RPAP2: variants seen among roughly 807,000 people sequenced by gnomAD.
The protein encoded by RPAP2 is RNA polymerase II associated protein 2.
Under a neutral mutation model 73.1 loss-of-function variants are expected in RPAP2, and 52 were observed. The observed-to-expected ratio is 0.71, with a 90% CI of 0.57 to 0.90. RPAP2 has a LOEUF of 0.90. RPAP2 is among the 40% of genes least tolerant of loss of function. The pLI, the probability that RPAP2 is intolerant of heterozygous loss-of-function variation, is 0.00. For missense variants in RPAP2, 598 were observed against 701.8 expected (o/e 0.85, Z 1.67); for synonymous variants, 225 against 242.1 (o/e 0.93, Z 0.65).
chr1:92,322,295 A>G (rs1204502640), intron 7 of RPAP2, among the ~76,000 whole-genome samples: 1 of 150,906 alleles, frequency 6.6e-6, no homozygotes. Flanking sequence ...CAGTAATCCC[A>G]GCAGTTTGGG....
Position 92,300,229 on chromosome 1 carries a change from G to C in RPAP2, c.109G>C (p.Ala37Pro). 6.2e-7 allele frequency: 1 copy of C among 1,608,970 alleles called. No homozygotes were observed. Among genetic ancestry groups the C allele is most frequent in the East Asian group, 2.2e-5 (1 of 44,842 alleles). ...KQTSTLKQED[A>P]SKRKAELEAA... ...GACAAGTACTTTGAAACAAGAAGAT[G>C]CTTCTAAAAGGTATGACAGCTACAT... The change falls in exon 2 of 13, where the codon GCT becomes CCT. Residue 37 changes from alanine (A) to proline (P), a missense_variant. Around this residue, in one of 3 missense-constraint regions of RPAP2, gnomAD observed 77 missense variants for 55.7 expected, o/e 1.38. Transcript: ENST00000610020.
intron 6 of RPAP2, among the ~76,000 whole-genome samples, chr1:92,318,294 T>G (rs1652044885): frequency 6.6e-6 from 1 of 152,200 alleles, no homozygotes; most frequent in Non-Finnish European, 1.5e-5. Flanking sequence ...TTCAGTCCTC[T>G]TAGCATCCCT....
intron 11 of RPAP2, among the ~76,000 whole-genome samples, chr1:92,356,789 G>A (rs113707527): frequency 0.012 from 1,841 of 151,638 alleles, 38 homozygotes; most frequent in African/African-American, 0.041. Context: ...TGGGCCAGGC[G>A]CAGTGGCTCA....
intron 10 of RPAP2, among the ~76,000 whole-genome samples, chr1:92,341,837 G>T (rs1331849382): frequency 2.0e-5 from 3 of 152,166 alleles, no homozygotes. Flanking sequence ...TAGAGACAGG[G>T]TTTCACCATG....
intron 12 of RPAP2, among the ~76,000 whole-genome samples, chr1:92,385,695 T>C (rs2101459133): frequency 6.6e-6 from 1 of 152,328 alleles, no homozygotes; most frequent in East Asian, 1.9e-4. Context: ...CAACTACCTT[T>C]TGTTATTGTG....
intron 12 of RPAP2, among the ~76,000 whole-genome samples, chr1:92,384,560 G>T (rs1218162988): frequency 1.3e-5 from 2 of 151,250 alleles, no homozygotes; most frequent in African/African-American, 4.9e-5. Flanking sequence ...GGAGGTGGAG[G>T]TCGCAGTGAG....
chr1:92,304,722 T>C (rs1651084909), intron 5 of RPAP2, among the ~76,000 whole-genome samples: 1 of 152,190 alleles, frequency 6.6e-6, no homozygotes, highest in Admixed American at 6.5e-5. Flanking sequence ...GATTTTTCAA[T>C]AAATTATACT....
chr1:92,300,323 C>CTTT, intron 2 of RPAP2, 84 bp downstream of exon 2: 14 of 831,488 alleles, frequency 1.7e-5, no homozygotes, highest in South Asian at 7.6e-5. Context: ...TAATGGTTAC[C>CTTT]TTTTTTTTTT....
At chr1:92,362,191 C>T (rs1417844582) in intron 11 of RPAP2, among the ~76,000 whole-genome samples, 1 of 152,168 alleles carries the variant, frequency 6.6e-6, no homozygotes, top group Non-Finnish European at 1.5e-5. Context: ...AATTCAAGAT[C>T]CTGATCACCG....
chr1:92,345,810 G>GT, intron 10 of RPAP2, 36 bp from the exon 11 acceptor site: 1 of 1,277,906 alleles, frequency 7.8e-7, no homozygotes, highest in Non-Finnish European at 1.1e-6. Context: ...TTATTTAAAG[G>GT]TAACACTCCT....
At chr1:92,356,219 C>CTTGAA (rs1654454485) in intron 11 of RPAP2, among the ~76,000 whole-genome samples, 1 of 152,000 alleles carries the variant, frequency 6.6e-6, no homozygotes, top group South Asian at 2.1e-4. Context: ...TCAAGTGATC[C>CTTGAA]ACCTGCCTCA....
Position 92,324,350 on chromosome 1 carries a change from C to T in RPAP2, c.1430C>T (p.Thr477Ile). ...YRGRYVLGEE[T>I]TKSQDSEEHD... ...GGACGGTATGTTTTGGGTGAAGAAACCACCAAATCACAAGACTCAGAAGAG... is the reference window on the plus strand; with the variant it reads ...GGACGGTATGTTTTGGGTGAAGAAATCACCAAATCACAAGACTCAGAAGAG... The change falls in exon 8 of 13, where the codon ACC becomes ATC. Residue 477 changes from threonine (T) to isoleucine (I), a missense_variant. Physicochemically the swap from Thr to Ile is moderately conservative, Grantham distance 89. Coordinates refer to ENST00000610020, the MANE Select transcript of RPAP2 (RefSeq NM_024813.3). 1 of 1,613,308 alleles carries T rather than the reference C, an allele frequency of 6.2e-7. No homozygotes were observed. The highest frequency in any genetic ancestry group is 8.5e-7 in the Non-Finnish European group (1 of 1,179,616).
intron 11 of RPAP2, among the ~76,000 whole-genome samples, chr1:92,353,574 A>T (rs966929859): frequency 1.3e-5 from 2 of 152,192 alleles, no homozygotes; most frequent in Non-Finnish European, 2.9e-5. Context: ...AAATGTCTGA[A>T]CAGTAGCTAC....
chr1:92,339,670 T>C (rs1557611592), intron 10 of RPAP2, among the ~76,000 whole-genome samples: 1 of 151,426 alleles, frequency 6.6e-6, no homozygotes, highest in African/African-American at 2.4e-5. Context: ...TTTTCCGCCA[T>C]AGAATTGATA....
At chr1:92,353,695 T>C (rs1379517621) in intron 11 of RPAP2, among the ~76,000 whole-genome samples, 1 of 152,206 alleles carries the variant, frequency 6.6e-6, no homozygotes, top group Non-Finnish European at 1.5e-5. Flanking sequence ...ACCTTTGTCA[T>C]TGTGAAGTTT....
At chr1:92,305,452 G>C (rs1001930035) in intron 5 of RPAP2, among the ~76,000 whole-genome samples, 1 of 62,546 alleles carries the variant, frequency 1.6e-5, no homozygotes, top group African/African-American at 7.0e-5. Flanking sequence ...AAAAAAAAAA[G>C]ACAATATGGG....
chr1:92,300,082 GA>G, intron 1 of RPAP2, 111 bp from the exon 2 acceptor site: 1 of 703,546 alleles, frequency 1.4e-6, no homozygotes. Flanking sequence ...TCTAAACATA[GA>G]AAAGGTACAG....
At chr1:92,374,355 A>T (rs1213908748) in intron 11 of RPAP2, among the ~76,000 whole-genome samples, 1 of 152,204 alleles carries the variant, frequency 6.6e-6, no homozygotes, top group African/African-American at 2.4e-5. Flanking sequence ...CAGTTCTGGT[A>T]TTAAGTCTGT....
chr1:92,314,853 T>G (rs916536617), intron 6 of RPAP2, among the ~76,000 whole-genome samples: 2 of 151,988 alleles, frequency 1.3e-5, no homozygotes, highest in African/African-American at 4.8e-5. Context: ...GAGACCAGCC[T>G]GGCCAACATG....
Sources: allele counts gnomAD v4.1 joint callset (sites outside exome capture counted in the v4.1 genomes callset), GRCh38; gene constraint gnomAD v4.1.1; regional missense constraint gnomAD v4.1.1; transcripts MANE v1.5; gene names NCBI Gene and HGNC (gene_info 2026-07-23, HGNC 2026-07-21).